PQBP1: variants seen among roughly 807,000 people sequenced by gnomAD.
The protein encoded by PQBP1 is polyglutamine binding protein 1.
PQBP1 carries 3 observed loss-of-function variants against 20.9 expected under a neutral mutation model. The ratio of observed to expected loss-of-function variants is 0.14; its 90% CI spans 0.07 to 0.37. PQBP1 has a LOEUF of 0.37. Among genes scored for constraint, PQBP1 ranks in the 10% least tolerant of loss-of-function variants. PQBP1 has a pLI of 1.00. For synonymous variants in PQBP1, 83 were observed against 93.8 expected (o/e 0.88, Z 0.67); for missense variants, 162 against 240.3 (o/e 0.67, Z 2.16).
At chrX:48,898,785 C>CTTTTTTTTTTTTTTTTTT (rs34214032) in intron 2 of PQBP1, among the ~76,000 whole-genome samples, 1 of 21,460 alleles carries the variant, frequency 4.7e-5, no homozygotes, top group African/African-American at 1.8e-4. Flanking sequence ...ATATTTCATT[C>CTTTTTTTTTTTTTTTTTT]TTTTTTTTTT....
intron 1 of PQBP1, 188 bp from the exon 2 acceptor site, chrX:48,898,297 GGGTTGGT>G (rs1245849965): frequency 1.6e-6 from 1 of 639,293 alleles, no homozygotes; most frequent in African/African-American, 2.2e-5. Context: ...GGGGACAGTA[GGGTTGGT>G]GGGAGTTGCG....
Position 48,901,212 on chromosome X carries a change from C to G in PQBP1, c.90C>G (p.Ala30=). Residue 30 remains alanine (A), a synonymous_variant, in exon 3 of 7, where the codon GCC becomes GCG. Transcript: ENST00000447146. ...LEPEPEEEII[A]EDYDDDPVDY... is the part of the protein sequence containing the mutation. ...CAGAACCAGAGGAAGAGATCATTGC[C>G]GAGGACTATGACGATGATCCTGTGG... is the stretch of plus-strand genomic sequence containing the variant. The G allele has an allele frequency of 8.3e-7, 1 of 1,209,600 alleles. No individual in the cohort carries two copies. The highest frequency in any genetic ancestry group is 1.1e-6 in the Non-Finnish European group (1 of 894,630).
chrX:48,898,766 G>T (rs1278360356), intron 2 of PQBP1, among the ~76,000 whole-genome samples, 190 bp downstream of exon 2: 1 of 103,157 alleles, frequency 9.7e-6, no homozygotes, highest in Admixed American at 1.1e-4. Context: ...GAGGGGGTTG[G>T]GGGAATAGAT....
At chrX:48,902,208 G>T in intron 4 of PQBP1, 25 bp from the exon 5 acceptor site, 1 of 1,210,926 alleles carries the variant, frequency 8.3e-7, no homozygotes, top group Admixed American at 2.2e-5. Flanking sequence ...GTGGCAAGAG[G>T]TCACTTCAAG....
At position 48,902,440 on chromosome X, in the gene PQBP1, A is replaced by G. The variant is rs1557041493; in HGVS notation, c.500A>G (p.Lys167Arg). 8.3e-7 allele frequency: 1 copy of G among 1,208,961 alleles called. No homozygotes were observed. The highest frequency in any genetic ancestry group is 1.1e-6 in the Non-Finnish European group (1 of 894,367). ...CGGGATCGGGACCGCGGGTATGACA[A>G]GGCAGACCGGGAAGAGGGCAAAGAA... Reference protein sequence around the residue: ...RERDRDRGYDKADREEGKERR... With the variant: ...RERDRDRGYDRADREEGKERR... Residue 167 changes from lysine (K) to arginine (R), a missense_variant, in exon 5 of 7, where the codon AAG (lysine) becomes AGG (arginine). Lys to Arg is a conservative substitution (Grantham distance 26). Transcript: ENST00000447146.
intron 2 of PQBP1, among the ~76,000 whole-genome samples, chrX:48,900,356 C>T (rs781851154): frequency 2.6e-5 from 2 of 76,630 alleles, no homozygotes; most frequent in East Asian, 9.6e-4. Flanking sequence ...TGCAGTGGTG[C>T]AGTCTTGGCC....
intron 2 of PQBP1, among the ~76,000 whole-genome samples, chrX:48,900,220 C>T (rs1470876635): frequency 9.4e-6 from 1 of 106,375 alleles, no homozygotes; most frequent in East Asian, 3.0e-4. Context: ...CACTGCACTC[C>T]AGCCTGGGCA....
intron 3 of PQBP1, 40 bp downstream of exon 3, chrX:48,901,341 C>T (rs2063406465): frequency 8.5e-7 from 1 of 1,175,343 alleles, no homozygotes. Context: ...TGGCTTCACC[C>T]TTCCTGTGCT....
At chrX:48,898,784 TC>T (rs2063350162) in intron 2 of PQBP1, among the ~76,000 whole-genome samples, 1 of 62,358 alleles carries the variant, frequency 1.6e-5, no homozygotes, top group African/African-American at 5.2e-5. Flanking sequence ...GATATTTCAT[TC>T]TTTTTTTTTT....
chrX:48,899,454 TGTG>T (rs1569509959), intron 2 of PQBP1, among the ~76,000 whole-genome samples: 1 of 111,082 alleles, frequency 9.0e-6, no homozygotes. Context: ...AATCGTGTGT[TGTG>T]GTGCATGCCT....
intron 3 of PQBP1, 110 bp downstream of exon 3, chrX:48,901,411 G>A (rs2063407763): frequency 8.7e-7 from 1 of 1,151,266 alleles, no homozygotes; most frequent in South Asian, 1.9e-5. Context: ...GAGGGTGTTG[G>A]CATTAGGTAT....
chrX:48,901,521 C>T (rs782315657), intron 3 of PQBP1: 23 of 806,958 alleles, frequency 2.9e-5, no homozygotes, highest in Middle Eastern at 4.3e-4. Context: ...TCTTGTAGCC[C>T]GGGCTGGAGT....
chrX:48,902,063 G>A (rs372752657), intron 4 of PQBP1, 21 bp downstream of exon 4: 14 of 1,209,204 alleles, frequency 1.2e-5, no homozygotes, highest in Non-Finnish European at 1.6e-5. Flanking sequence ...AGGTACAAGC[G>A]TGCCTTGAGT....
intron 2 of PQBP1, among the ~76,000 whole-genome samples, chrX:48,899,706 T>G (rs1557040572): frequency 8.9e-6 from 1 of 112,034 alleles, no homozygotes; most frequent in Non-Finnish European, 1.9e-5. Flanking sequence ...ACATAGTATC[T>G]AATAGGAAGT....
At position 48,902,377 on chromosome X, in the gene PQBP1, A is replaced by G; in HGVS notation, c.437A>G (p.Tyr146Cys). 1 of 1,210,093 alleles carries G rather than the reference A, an allele frequency of 8.3e-7. No homozygotes were observed. Among genetic ancestry groups the G allele is most frequent in the African/African-American group, 1.7e-5 (1 of 57,797 alleles). ...DKSDRDRERGYDKVDRERERD... is the reference protein window; with the variant it reads ...DKSDRDRERGCDKVDRERERD... ...TCTGACAGGGATCGAGAGCGTGGCTATGACAAGGTAGACAGAGAGAGAGAG... is the reference window on the plus strand; with the variant it reads ...TCTGACAGGGATCGAGAGCGTGGCTGTGACAAGGTAGACAGAGAGAGAGAG... The change falls in exon 5 of 7, where the codon TAT becomes TGT. Residue 146 changes from tyrosine to cysteine, a missense_variant. Coordinates refer to ENST00000447146, the MANE Select transcript of PQBP1 (RefSeq NM_001032382.2).
chrX:48,901,501 G>T, intron 3 of PQBP1, 200 bp downstream of exon 3: 1 of 902,968 alleles, frequency 1.1e-6, no homozygotes, highest in Non-Finnish European at 1.5e-6. Context: ...TTTTTGAAAC[G>T]GAGTTTCACT....
intron 3 of PQBP1, 188 bp from the exon 4 acceptor site, chrX:48,901,742 G>T (rs994404013): frequency 2.4e-6 from 2 of 821,496 alleles, no homozygotes; most frequent in Non-Finnish European, 3.4e-6. Context: ...GCCTCCCAAA[G>T]TGCTGGGATT....
intron 2 of PQBP1, among the ~76,000 whole-genome samples, chrX:48,898,834 T>G (rs1602318943): frequency 1.5e-5 from 1 of 67,360 alleles, no homozygotes; most frequent in African/African-American, 6.3e-5. Context: ...TGAGGCAGAG[T>G]CTTATTGTGC....
At chrX:48,900,142 T>C (rs1199587598) in intron 2 of PQBP1, among the ~76,000 whole-genome samples, 4 of 107,830 alleles carry the variant, frequency 3.7e-5, no homozygotes, top group Non-Finnish European at 7.7e-5. Flanking sequence ...TCCCAGCTAC[T>C]CGGGAGGCTG....
Sources: gnomAD v4.1 joint callset for allele counts (sites outside exome capture counted in the v4.1 genomes callset) on GRCh38, gnomAD v4.1.1 for gene constraint, MANE v1.5 for transcripts, NCBI Gene and HGNC (gene_info 2026-07-23, HGNC 2026-07-21) for gene names.